The following CORO2B variants were observed in gnomAD, a reference collection of about 807,000 sequenced individuals.
CORO2B encodes coronin 2B, also known as coronin-2B.
A neutral mutation model predicts 58.8 loss-of-function variants in CORO2B; 26 were observed. That is an observed-to-expected ratio of 0.44 (90% CI 0.32 to 0.61). The LOEUF (loss-of-function observed/expected upper bound fraction) is 0.61, where lower values mean the gene tolerates loss of function less well. Ranked by LOEUF, CORO2B falls within the 20% of genes least tolerant of loss-of-function variation. CORO2B has a pLI of 0.04. For missense variants in CORO2B, 460 were observed against 645.1 expected (o/e 0.71, Z 3.11); for synonymous variants, 242 against 253.8 (o/e 0.95, Z 0.44).
chr15:68,545,230 C>A, the CORO2B span, among the ~76,000 whole-genome samples: 17 of 152,182 alleles, frequency 1.1e-4, no homozygotes, highest in Non-Finnish European at 2.5e-4. Context: ...GCCATGGAGT[C>A]TTCACGACTT....
the CORO2B span, among the ~76,000 whole-genome samples, chr15:68,572,712 C>T: frequency 1.3e-5 from 2 of 152,214 alleles, no homozygotes; most frequent in Admixed American, 6.5e-5. Context: ...GGGGCCCACA[C>T]TTTGAGAACT....
At chr15:68,535,244 C>T in the CORO2B span, among the ~76,000 whole-genome samples, 150 of 152,296 alleles carry the variant, frequency 9.8e-4, no homozygotes, top group African/African-American at 3.5e-3. Flanking sequence ...ATAAAAGAAA[C>T]CCTTATCCTA....
intron 3 of CORO2B, among the ~76,000 whole-genome samples, chr15:68,702,745 C>T (rs1480900313): frequency 6.6e-6 from 1 of 151,168 alleles, no homozygotes; most frequent in African/African-American, 2.4e-5. Context: ...ATCTTGGAGC[C>T]AATGATTGTG....
At position 68,601,594 on chromosome 15, in the gene CORO2B, C is replaced by T. The variant is rs527387263; in HGVS notation, c.15+22317C>T. 3.3e-5 allele frequency among the ~76,000 whole-genome samples: 5 copies of T among 152,246 alleles called. No homozygotes were observed. The South Asian group carries it at 8.3e-4, about 25-fold the overall frequency. ...GTGTCGGGGCATCAGAAGGCCTGCC[C>T]CAGGGGTGGCCTGGAAGCAGAGATG... On this transcript the variant is annotated intron_variant, in intron 1 of 11. Coordinates refer to ENST00000261861, the MANE Select transcript of CORO2B (RefSeq NM_006091.5).
intron 1 of CORO2B, among the ~76,000 whole-genome samples, chr15:68,622,851 A>C (rs527919202): frequency 6.6e-6 from 1 of 152,334 alleles, no homozygotes; most frequent in African/African-American, 2.4e-5. Context: ...AATGATTCTC[A>C]TTGAACAGAC....
chr15:68,558,524 G>A, the CORO2B span, among the ~76,000 whole-genome samples: 1 of 152,126 alleles, frequency 6.6e-6, no homozygotes, highest in Non-Finnish European at 1.5e-5. Context: ...ACAGGCATGC[G>A]TCACCATTCC....
At chr15:68,569,982 G>A in the CORO2B span, among the ~76,000 whole-genome samples, 12 of 152,282 alleles carry the variant, frequency 7.9e-5, no homozygotes, top group African/African-American at 2.9e-4. Flanking sequence ...TTGGTCAGTG[G>A]GGTCTGTGGC....
At position 68,716,944 on chromosome 15, in the gene CORO2B, A is replaced by T. The variant is rs565095565; in HGVS notation, c.967+1633A>T. 2.0e-5 allele frequency among the ~76,000 whole-genome samples: 3 copies of T among 152,208 alleles called. No individual in the cohort carries two copies. In the South Asian group the frequency reaches 6.2e-4, roughly 32 times the overall value. ...GTTTGCATTTGATAAGGAAATCATT[A>T]TGGGGAGGGTTCTTTTTCTTGAGTG... On this transcript the variant is annotated intron_variant, in intron 8 of 11. Transcript: ENST00000261861.
intron 1 of CORO2B, among the ~76,000 whole-genome samples, chr15:68,619,771 G>A (rs368036298): frequency 5.6e-4 from 85 of 151,890 alleles, no homozygotes; most frequent in East Asian, 1.9e-3. Context: ...GTGTGTGCAC[G>A]TGTTCATTCT....
chr15:68,706,717 C>CTT (rs1351018890), intron 3 of CORO2B, among the ~76,000 whole-genome samples: 1 of 149,796 alleles, frequency 6.7e-6, no homozygotes, highest in Non-Finnish European at 1.5e-5. Context: ...ATTTTTTTTT[C>CTT]TTTTTTTTTA....
chr15:68,579,084 C>T lies in CORO2B; in HGVS notation c.-179C>T. The T allele has an allele frequency of 1.0e-6, 1 of 983,422 alleles. No homozygotes were observed. Among genetic ancestry groups the T allele is most frequent in the Non-Finnish European group, 1.2e-6 (1 of 829,186 alleles). The allele number at this position is 983,422 out of a possible 1,614,324, so 60.9% of individuals were successfully genotyped here. A position where few individuals can be genotyped will look rare whatever the true frequency, so the allele number is the denominator to read the frequency against. On this transcript the variant is annotated 5_prime_UTR_variant, in exon 1 of 12. Coordinates refer to ENST00000261861, the MANE Select transcript of CORO2B (RefSeq NM_006091.5). ...TCAGCGACGAGCGGCGGGCGAGCGC[C>T]GACGAGCGGTCCCTGCGCGCTGCCC...
the CORO2B span, among the ~76,000 whole-genome samples, chr15:68,569,184 G>A: frequency 1.3e-5 from 2 of 152,162 alleles, no homozygotes; most frequent in African/African-American, 4.8e-5. Context: ...CTCACTGTTG[G>A]TGTTGTATAT....
At chr15:68,650,830 T>C (rs1901618449) in intron 2 of CORO2B, among the ~76,000 whole-genome samples, 1 of 152,162 alleles carries the variant, frequency 6.6e-6, no homozygotes, top group Non-Finnish European at 1.5e-5. Flanking sequence ...CCCTGAAGTT[T>C]CAGAGGCCCT....
intron 1 of CORO2B, among the ~76,000 whole-genome samples, chr15:68,631,803 A>G (rs1048699399): frequency 3.3e-5 from 5 of 152,326 alleles, no homozygotes; most frequent in Middle Eastern, 6.8e-3. Flanking sequence ...ACCTCTTGAC[A>G]TCAGTAGCTA....
intron 2 of CORO2B, among the ~76,000 whole-genome samples, chr15:68,691,125 CGA>C (rs1445249738): frequency 6.6e-6 from 1 of 150,698 alleles, no homozygotes; most frequent in Non-Finnish European, 1.5e-5. Context: ...GTCAGGAGAT[CGA>C]GACCATCCTG....
the CORO2B span, among the ~76,000 whole-genome samples, chr15:68,519,445 A>C: frequency 2.0e-5 from 3 of 152,214 alleles, no homozygotes; most frequent in African/African-American, 7.2e-5. Context: ...CCAAAGCTCT[A>C]GGCAGTCTGA....
chr15:68,622,319 G>A (rs1021255835), intron 1 of CORO2B, among the ~76,000 whole-genome samples: 1 of 152,156 alleles, frequency 6.6e-6, no homozygotes, highest in Non-Finnish European at 1.5e-5. Flanking sequence ...GCAGTGTGAG[G>A]ATGTGAGGGT....
intron 1 of CORO2B, among the ~76,000 whole-genome samples, chr15:68,605,717 T>G (rs984453753): frequency 5.7e-5 from 7 of 122,936 alleles, no homozygotes; most frequent in African/African-American, 2.1e-4. Context: ...TTGGGTTTTT[T>G]TTTTTTTTTT....
intron 3 of CORO2B, among the ~76,000 whole-genome samples, chr15:68,707,368 T>A (rs184413150): frequency 6.6e-6 from 1 of 152,308 alleles, no homozygotes; most frequent in East Asian, 1.9e-4. Context: ...ATAAAAAATA[T>A]GAAACACTTC....
Sources: gnomAD v4.1 joint callset for allele counts (sites outside exome capture counted in the v4.1 genomes callset) on GRCh38, gnomAD v4.1.1 for gene constraint, MANE v1.5 for transcripts, NCBI Gene and HGNC (gene_info 2026-07-23, HGNC 2026-07-21) for gene names.